SNED1: variants seen among roughly 807,000 people sequenced by gnomAD.
The protein encoded by SNED1 is sushi, nidogen and EGF-like domain-containing protein 1.
SNED1 carries 81 observed loss-of-function variants against 166.7 expected under a neutral mutation model. The observed-to-expected ratio is 0.49, with a 90% CI of 0.41 to 0.58. SNED1 has a LOEUF of 0.58. Ranked by LOEUF, SNED1 falls within the 20% of genes least tolerant of loss-of-function variation. The pLI is 0.00. For missense variants in SNED1, 1,604 were observed against 2,000.2 expected, an observed-to-expected ratio of 0.80 and a Z score of 3.78; for synonymous variants, 762 against 822.0, an observed-to-expected ratio of 0.93 and a Z score of 1.25.
rs1254870183 is a variant in SNED1, at chr2:241,095,039, T to C, written c.*3403T>C. On this transcript the variant is annotated 3_prime_UTR_variant, in exon 32 of 32. Coordinates refer to ENST00000310397, the MANE Select transcript of SNED1 (RefSeq NM_001080437.3). ...CATTTCAAATTGTTCTTCGGACTCA[T>C]TGAGTTCCCTAAGGTGACACGCCCC... 2.8e-5 allele frequency: 4 copies of C among 145,136 alleles called. No individual in the cohort carries two copies. The highest frequency in any genetic ancestry group is 7.0e-5 in the Admixed American group (1 of 14,190). The allele number at this position is 145,136 out of a possible 1,614,324, so 9.0% of individuals were successfully genotyped here.
Position 241,092,281 on chromosome 2 carries a change from ACTGGCAGCCTTT to A in SNED1, c.*648_*659del, listed in dbSNP as rs1056117908. On this transcript the variant is annotated 3_prime_UTR_variant, in exon 32 of 32. Transcript: ENST00000310397. The surrounding 1 kb of genome is among the most constrained non-coding windows in gnomAD (Gnocchi z 4.6). Reference sequence around the variant, plus strand: ...TCAGACTTTTTTAGACAACGGCGCGACTGGCAGCCTTTCTCTATCAAGGGTCAGACGGTAAAC... The same window carrying A: ...TCAGACTTTTTTAGACAACGGCGCGACTCTATCAAGGGTCAGACGGTAAAC... 10 of 152,232 alleles carry A rather than the reference ACTGGCAGCCTTT, an allele frequency of 6.6e-5. No homozygotes were observed. Among genetic ancestry groups the A allele is most frequent in the African/African-American group, 2.4e-4 (10 of 41,454 alleles). The allele number at this position is 152,232 out of a possible 1,614,324, so 9.4% of individuals were successfully genotyped here. A position where few individuals can be genotyped will look rare whatever the true frequency, so the allele number is the denominator to read the frequency against.
chr2:241,060,394 G>A (rs1575019536), intron 16 of SNED1, among the ~76,000 whole-genome samples: 1 of 152,130 alleles, frequency 6.6e-6, no homozygotes, highest in Non-Finnish European at 1.5e-5. Context: ...TGTTGGCCAG[G>A]CTGGTCTTGA....
In SNED1 at chr2:241,049,832, G is replaced by A; in HGVS notation, c.1634G>A (p.Cys545Tyr). Residue 545 changes from cysteine (C) to tyrosine (Y), a missense_variant, in exon 12 of 32, where the codon TGC becomes TAC. Coordinates refer to ENST00000310397, the MANE Select transcript of SNED1 (RefSeq NM_001080437.3). ...HNASHSLPSP[C>Y]DSDPCFNGGS... ...CCGCCCCCAGCCCTGCCATCACCCT[G>A]CGACTCGGACCCCTGCTTCAACGGA... 2 of 1,613,732 alleles carry A rather than the reference G, an allele frequency of 1.2e-6. No individual in the cohort carries two copies. The highest frequency in any genetic ancestry group is 1.7e-6 in the Non-Finnish European group (2 of 1,179,736).
intron 1 of SNED1, among the ~76,000 whole-genome samples, chr2:241,002,727 C>T (rs182011214): frequency 6.6e-6 from 1 of 152,182 alleles, no homozygotes; most frequent in East Asian, 1.9e-4. Context: ...GCTCAGAATG[C>T]AGATTCAGGG....
chr2:241,003,724 C>G (rs958109851), intron 1 of SNED1, among the ~76,000 whole-genome samples: 2 of 152,216 alleles, frequency 1.3e-5, no homozygotes, highest in African/African-American at 2.4e-5. Flanking sequence ...GTCTGCACTG[C>G]CCCACCTCTG....
intron 2 of SNED1, among the ~76,000 whole-genome samples, chr2:241,032,243 G>C (rs576133461): frequency 6.6e-6 from 1 of 151,990 alleles, no homozygotes; most frequent in Non-Finnish European, 1.5e-5. Flanking sequence ...CCAGCTACTC[G>C]GGAGGCTGAG....
Position 241,049,871 on chromosome 2 carries a change from C to T in SNED1, c.1673C>T (p.Ala558Val). 1 of 1,613,870 alleles carries T rather than the reference C, an allele frequency of 6.2e-7. No homozygotes were observed. The highest frequency in any genetic ancestry group is 8.5e-7 in the Non-Finnish European group (1 of 1,179,798). ...DPCFNGGSCD[A>V]HDDSYTCECP... ...TGCTTCAACGGAGGCTCCTGCGATG[C>T]CCATGACGACTCCTACACCTGCGAG... The change falls in exon 12 of 32, where the codon GCC (alanine) becomes GTC (valine). Residue 558 changes from alanine (A) to valine (V), a missense_variant. Physicochemically the swap from Ala to Val is moderately conservative, Grantham distance 64. Coordinates refer to ENST00000310397, the MANE Select transcript of SNED1 (RefSeq NM_001080437.3).
rs1321864674 is a variant in SNED1, at chr2:241,062,686, G to A, written c.2258-105G>A. 4 of 776,770 alleles carry A rather than the reference G, an allele frequency of 5.1e-6. No individual in the cohort carries two copies. In the Admixed American group the frequency reaches 8.0e-5, roughly 16 times the overall value. 48.1% of individuals were successfully genotyped at this position (776,770 alleles called of 1,614,324 possible). ...GTCTCTGGCCTTTCCAACCACTGAT[G>A]ATGTATCATCGAATTCTGTCTGGCC... On this transcript the variant is annotated intron_variant, in intron 16 of 31. Transcript: ENST00000310397.
chr2:241,052,197 G>A, intron 14 of SNED1, 40 bp downstream of exon 14: 1 of 1,561,510 alleles, frequency 6.4e-7, no homozygotes, highest in South Asian at 1.1e-5. Context: ...GGCCAGGGGT[G>A]AACCCTCTCT....
At chr2:241,025,214 G>T (rs975412273) in intron 1 of SNED1, among the ~76,000 whole-genome samples, 7 of 152,144 alleles carry the variant, frequency 4.6e-5, no homozygotes, top group African/African-American at 1.7e-4. Flanking sequence ...CTATGCATGC[G>T]AGGGATCTAG....
Position 241,040,388 on chromosome 2 carries a change from C to A in SNED1, c.1248C>A (p.Pro416=). 1 of 1,600,092 alleles carries A rather than the reference C, an allele frequency of 6.2e-7. No homozygotes were observed. The change falls in exon 8 of 32, where the codon CCC becomes CCA. Residue 416 remains proline (P), a synonymous_variant. Coordinates refer to ENST00000310397, the MANE Select transcript of SNED1 (RefSeq NM_001080437.3). ...VGNYTCLCAE[P]FKGLRCETGD... Reference sequence around the variant, plus strand: ...ATTACACCTGCTTGTGTGCCGAGCCCTTCAAGGGACTTCGCTGTGAGACAG... The same window carrying A: ...ATTACACCTGCTTGTGTGCCGAGCCATTCAAGGGACTTCGCTGTGAGACAG...
At chr2:241,034,543 C>T in intron 3 of SNED1, 25 bp from the exon 4 acceptor site, 1 of 1,564,712 alleles carries the variant, frequency 6.4e-7, no homozygotes, top group Non-Finnish European at 8.7e-7. Flanking sequence ...TGGCCTCCCT[C>T]ACTCTGCCCC....
At chr2:241,082,483 GGGA>G (rs2063376858) in intron 29 of SNED1, 119 bp downstream of exon 29, 1 of 719,270 alleles carries the variant, frequency 1.4e-6, no homozygotes, top group East Asian at 2.5e-5. Flanking sequence ...AGTCACAGAA[GGGA>G]CTTGCTTTGA....
At position 241,073,870 on chromosome 2, in the gene SNED1, C is replaced by T. The variant is rs748064219; in HGVS notation, c.3916+506C>T. ...GTCCGGGGCTCTGCCTCGTGAGGAT[C>T]GAGGCCAGCACGTCCCTGCAGGGCA... On this transcript the variant is annotated intron_variant, in intron 27 of 31. Coordinates refer to ENST00000310397, the MANE Select transcript of SNED1 (RefSeq NM_001080437.3). The surrounding 1 kb of genome is among the most constrained non-coding windows in gnomAD (Gnocchi z 6.6). The T allele has an allele frequency of 2.8e-5, 5 of 178,214 alleles. No homozygotes were observed. The highest frequency in any genetic ancestry group is 5.8e-5 in the Non-Finnish European group (5 of 85,478). The allele number at this position is 178,214 out of a possible 1,614,324, so 11.0% of individuals were successfully genotyped here.
At chr2:241,012,878 C>A (rs1367163318) in intron 1 of SNED1, among the ~76,000 whole-genome samples, 1 of 150,414 alleles carries the variant, frequency 6.6e-6, no homozygotes, top group African/African-American at 2.5e-5. Context: ...CTCTTTCGCC[C>A]AGGCTGGAGT....
chr2:241,085,817 G>A (rs1022244541), intron 29 of SNED1, among the ~76,000 whole-genome samples: 1 of 146,788 alleles, frequency 6.8e-6, no homozygotes, highest in Admixed American at 6.8e-5. Context: ...TTATTCTGGG[G>A]TTAATTTTGC....
At chr2:241,037,983 G>A (rs2061424120) in intron 6 of SNED1, among the ~76,000 whole-genome samples, 1 of 152,118 alleles carries the variant, frequency 6.6e-6, no homozygotes, top group Non-Finnish European at 1.5e-5. Flanking sequence ...GTTGTCATCA[G>A]AGTCAGCCTC....
At position 241,095,105 on chromosome 2, in the gene SNED1, C is replaced by T. The variant is rs1228427439; in HGVS notation, c.*3469C>T. ...CCACCTTGGGGGGTCACGGATTGCTCCCTGTGGCCCTGGCTTCAGCCCACC... is the reference window on the plus strand; with the variant it reads ...CCACCTTGGGGGGTCACGGATTGCTTCCTGTGGCCCTGGCTTCAGCCCACC... On this transcript the variant is annotated 3_prime_UTR_variant, in exon 32 of 32. Coordinates refer to ENST00000310397, the MANE Select transcript of SNED1 (RefSeq NM_001080437.3). 1 of 148,878 alleles carries T rather than the reference C, an allele frequency of 6.7e-6. No individual in the cohort carries two copies. Among genetic ancestry groups the T allele is most frequent in the African/African-American group, 2.5e-5 (1 of 40,728 alleles). The allele number at this position is 148,878 out of a possible 1,614,324, so 9.2% of individuals were successfully genotyped here.
intron 26 of SNED1, chr2:241,072,984 G>A: frequency 4.2e-6 from 2 of 475,420 alleles, no homozygotes; most frequent in Non-Finnish European, 7.4e-6. Context: ...CCGTGAGGAT[G>A]GGGCCTCTCA....
Sources: allele counts gnomAD v4.1 joint callset (sites outside exome capture counted in the v4.1 genomes callset), GRCh38; gene constraint gnomAD v4.1.1; non-coding constraint Gnocchi (gnomAD v3.1); transcripts MANE v1.5; gene names NCBI Gene and HGNC (gene_info 2026-07-23, HGNC 2026-07-21).